STK3: variants seen among roughly 807,000 people sequenced by gnomAD.
STK3 encodes the protein serine/threonine-protein kinase 3.
In STK3, 41 loss-of-function variants were observed where a neutral mutation model predicts 58.0. That is an observed-to-expected ratio of 0.71 (90% CI 0.55 to 0.92). STK3 has a LOEUF of 0.92. Among genes scored for constraint, STK3 ranks in the 40% least tolerant of loss-of-function variants. The pLI is 0.00. For missense variants in STK3, 479 were observed against 602.7 expected (o/e 0.79, Z 2.15); for synonymous variants, 170 against 191.0 (o/e 0.89, Z 0.91).
At chr8:98,409,030 C>A (rs967012773) in intron 3 of STK3, among the ~76,000 whole-genome samples, 1 of 152,166 alleles carries the variant, frequency 6.6e-6, no homozygotes, top group East Asian at 1.9e-4. Context: ...AACACCCTGA[C>A]CTCGCACTCC....
At chr8:98,412,589 A>G (rs1396444154) in intron 3 of STK3, among the ~76,000 whole-genome samples, 4 of 152,200 alleles carry the variant, frequency 2.6e-5, no homozygotes, top group Admixed American at 6.5e-5. Context: ...AATGAGTCCA[A>G]CTGTCCTTAT....
intron 1 of STK3, among the ~76,000 whole-genome samples, chr8:98,941,039 G>A (rs1840402256): frequency 6.6e-6 from 1 of 152,172 alleles, no homozygotes; most frequent in African/African-American, 2.4e-5. Flanking sequence ...GGCAGCTGTT[G>A]GCCAAGCCCT....
chr8:98,487,670 T>C (rs1289778742), intron 10 of STK3, among the ~76,000 whole-genome samples: 1 of 152,216 alleles, frequency 6.6e-6, no homozygotes, highest in East Asian at 1.9e-4. Flanking sequence ...TAACTAAAAA[T>C]GAAGTGGCTC....
At chr8:98,436,981 C>A (rs920530526) in intron 2 of STK3, 1 of 152,358 alleles carries the variant, frequency 6.6e-6, no homozygotes, top group Admixed American at 6.5e-5. Flanking sequence ...TCCGTGTTAA[C>A]TCATGTTCAT....
Position 98,616,906 on chromosome 8 carries a change from G to T in STK3, c.685-20737C>A, listed in dbSNP as rs1306199973. 4.0e-5 allele frequency among the ~76,000 whole-genome samples: 6 copies of T among 151,886 alleles called. No homozygotes were observed. In the East Asian group the frequency reaches 1.2e-3, roughly 29 times the overall value. On this transcript the variant is annotated intron_variant, in intron 6 of 10. Coordinates refer to ENST00000419617, the MANE Select transcript of STK3 (RefSeq NM_006281.4). ...CTGTCAACATTAGACAGATCAACGA[G>T]ACAGAAAGTCAACAAGGATACCCAG...
intron 6 of STK3, among the ~76,000 whole-genome samples, chr8:98,652,006 G>C (rs967526990): frequency 4.6e-5 from 7 of 152,100 alleles, no homozygotes; most frequent in South Asian, 4.2e-4. Flanking sequence ...TCCTCGAGAA[G>C]AGCAACTCCA....
intron 4 of STK3, among the ~76,000 whole-genome samples, chr8:98,733,594 G>A (rs557273249): frequency 2.0e-5 from 3 of 152,266 alleles, no homozygotes; most frequent in South Asian, 4.1e-4. Context: ...CAAAAAGGTC[G>A]AGGACCACTG....
intron 3 of STK3, chr8:98,430,621 C>G (rs1818312862): frequency 6.0e-6 from 1 of 166,962 alleles, no homozygotes; most frequent in African/African-American, 2.4e-5. Context: ...ACATGGAAAC[C>G]TGGTGGTATG....
chr8:98,567,085 C>T (rs1426260257), intron 8 of STK3, among the ~76,000 whole-genome samples: 1 of 152,290 alleles, frequency 6.6e-6, no homozygotes, highest in African/African-American at 2.4e-5. Flanking sequence ...AACAGATACA[C>T]ATGTTAAGTC....
At chr8:98,756,053 G>C (rs1435929469) in intron 3 of STK3, among the ~76,000 whole-genome samples, 6 of 151,946 alleles carry the variant, frequency 3.9e-5, no homozygotes, top group Admixed American at 3.3e-4. Context: ...TGGGGCAGGA[G>C]AATCGCTTGA....
chr8:98,795,078 G>A (rs1187168894), intron 1 of STK3, among the ~76,000 whole-genome samples: 2 of 4,412 alleles, frequency 4.5e-4, no homozygotes, highest in African/African-American at 2.5e-3. Context: ...AAACTCCGTC[G>A]CAAAAAAAAA....
chr8:98,484,845 C>T (rs1393778804), intron 10 of STK3, among the ~76,000 whole-genome samples: 1 of 152,058 alleles, frequency 6.6e-6, no homozygotes, highest in East Asian at 1.9e-4. Context: ...TACATATACA[C>T]AAACTACATA....
rs1165910615 is a variant in STK3 at position 98,770,790 on chromosome 8, C to T, written c.108-3419G>A. On this transcript the variant is annotated intron_variant, in intron 2 of 10. Transcript: ENST00000419617. ...CCTTGAGTTTAATAGATAACAGGATCCCAGCACAAGAGAAGTGGCAACAGC... is the reference window on the plus strand; with the variant it reads ...CCTTGAGTTTAATAGATAACAGGATTCCAGCACAAGAGAAGTGGCAACAGC... Among the ~76,000 whole-genome samples the T allele has an allele frequency of 2.6e-5, 4 of 152,224 alleles. No homozygotes were observed. In the East Asian group the frequency reaches 5.8e-4, roughly 22 times the overall value.
chr8:98,548,209 G>T, intron 8 of STK3, 48 bp from the exon 9 acceptor site: 1 of 1,344,506 alleles, frequency 7.4e-7, no homozygotes, highest in Non-Finnish European at 9.6e-7. Flanking sequence ...ATGACAGCTG[G>T]ATTTCTTAAT....
chr8:98,934,460 A>G (rs1258151745), intron 1 of STK3, among the ~76,000 whole-genome samples: 5 of 152,246 alleles, frequency 3.3e-5, no homozygotes, highest in Non-Finnish European at 7.3e-5. Context: ...GGAAGCCACA[A>G]CTAAGAGTGA....
intron 4 of STK3, among the ~76,000 whole-genome samples, chr8:98,718,083 T>A (rs796200347): frequency 4.6e-5 from 7 of 152,238 alleles, no homozygotes; most frequent in African/African-American, 1.7e-4. Flanking sequence ...GCTTAATGGG[T>A]ACAGAGTTTC....
At chr8:98,660,877 A>G (rs35231464) in intron 6 of STK3, among the ~76,000 whole-genome samples, 8,464 of 152,126 alleles carry the variant, frequency 0.056, 327 homozygotes, top group Non-Finnish European at 0.087. Context: ...CTCCCTCCTC[A>G]AAAATGAAGA....
chr8:98,928,617 T>C (rs1587860317), intron 1 of STK3, among the ~76,000 whole-genome samples: 2 of 152,364 alleles, frequency 1.3e-5, no homozygotes, highest in South Asian at 4.1e-4. Flanking sequence ...TTGAGGTTAA[T>C]ACAAGCGAAA....
chr8:98,647,203 T>C (rs1427293462), intron 6 of STK3, among the ~76,000 whole-genome samples: 1 of 152,100 alleles, frequency 6.6e-6, no homozygotes, highest in Non-Finnish European at 1.5e-5. Context: ...TATGTGTGGT[T>C]TACTCCCACA....
Sources: allele counts gnomAD v4.1 joint callset (sites outside exome capture counted in the v4.1 genomes callset), GRCh38; gene constraint gnomAD v4.1.1; transcripts MANE v1.5; gene names NCBI Gene and HGNC (gene_info 2026-07-23, HGNC 2026-07-21).